Variants in PDCL2 observed in about 807,000 individuals in gnomAD.
PDCL2 encodes phosducin-like protein 2.
PDCL2 carries 23 observed loss-of-function variants against 30.3 expected under a neutral mutation model. The ratio of observed to expected loss-of-function variants is 0.76; its 90% confidence interval spans 0.55 to 1.08. The LOEUF is 1.08. Among genes scored for constraint, PDCL2 ranks in the 50% least tolerant of loss-of-function variants. The pLI is 0.00. For missense variants in PDCL2, 243 were observed against 282.3 expected (o/e 0.86, Z 1.00); for synonymous variants, 68 against 86.2 (o/e 0.79, Z 1.17).
At chr4:55,572,661 A>G (rs1298052470) in intron 3 of PDCL2, among the ~76,000 whole-genome samples, 1 of 152,246 alleles carries the variant, frequency 6.6e-6, no homozygotes, top group Admixed American at 6.5e-5. Context: ...AATCTACAAT[A>G]AAAGTTGAAA....
intron 4 of PDCL2, among the ~76,000 whole-genome samples, chr4:55,564,544 A>G (rs1329949052): frequency 3.9e-5 from 6 of 152,166 alleles, no homozygotes; most frequent in Non-Finnish European, 7.4e-5. Flanking sequence ...CCCAAATTAG[A>G]ATTGGGGTAC....
chr4:55,559,920 G>A (rs771351844), intron 5 of PDCL2, among the ~76,000 whole-genome samples: 1 of 152,184 alleles, frequency 6.6e-6, no homozygotes, highest in Admixed American at 6.5e-5. Context: ...GGTATCTAGA[G>A]CTGTCAAATT....
intron 3 of PDCL2, among the ~76,000 whole-genome samples, chr4:55,579,960 G>GC (rs1311591266): frequency 1.3e-5 from 2 of 151,970 alleles, no homozygotes; most frequent in African/African-American, 4.8e-5. Context: ...CGATTCTCCT[G>GC]CCTCAGCCTC....
At chr4:55,579,211 G>T (rs1732643942) in intron 3 of PDCL2, among the ~76,000 whole-genome samples, 1 of 151,332 alleles carries the variant, frequency 6.6e-6, no homozygotes, top group South Asian at 2.1e-4. Context: ...TTACCTACTG[G>T]CAACATAAGA....
chr4:55,556,570 T>A lies in PDCL2; in HGVS notation c.713A>T (p.Asn238Ile). The change falls in exon 6 of 6, where the codon AAT becomes ATT. Residue 238 changes from asparagine (N) to isoleucine (I), a missense_variant. Transcript: ENST00000295645. ...HDDSDSSNSD[N>I]DTK ...GAATATTTCTCTCTATTTGGTATCA[T>A]TATCACTGTTGGAGCTATCACTGTC... 2.6e-6 allele frequency: 4 copies of A among 1,556,076 alleles called. No homozygotes were observed. In the East Asian group the frequency reaches 9.2e-5, roughly 36 times the overall value.
chr4:55,591,688 G>A (rs1733006342), intron 1 of PDCL2, among the ~76,000 whole-genome samples: 1 of 152,114 alleles, frequency 6.6e-6, no homozygotes, highest in Non-Finnish European at 1.5e-5. Flanking sequence ...GAAACTCTAG[G>A]GACATATGGT....
chr4:55,585,270 A>G (rs1331287828), intron 1 of PDCL2, among the ~76,000 whole-genome samples: 1 of 152,160 alleles, frequency 6.6e-6, no homozygotes, highest in Non-Finnish European at 1.5e-5. Flanking sequence ...GCTCATGCCT[A>G]TAATCCCAGG....
At chr4:55,591,857 T>C (rs1560507424) in intron 1 of PDCL2, among the ~76,000 whole-genome samples, 2 of 152,338 alleles carry the variant, frequency 1.3e-5, no homozygotes, top group Non-Finnish European at 2.9e-5. Context: ...TGAAACACAA[T>C]ACGTAACAAC....
At chr4:55,574,265 T>A (rs1732504639) in intron 3 of PDCL2, among the ~76,000 whole-genome samples, 2 of 152,190 alleles carry the variant, frequency 1.3e-5, no homozygotes, top group Admixed American at 1.3e-4. Flanking sequence ...ATCTCTGTGG[T>A]AGAGACAGGT....
intron 5 of PDCL2, among the ~76,000 whole-genome samples, chr4:55,560,542 G>A (rs1487664459): frequency 6.6e-6 from 1 of 152,136 alleles, no homozygotes; most frequent in Non-Finnish European, 1.5e-5. Flanking sequence ...TTGAGCCTGA[G>A]AAGTCAAGGT....
In PDCL2 at chr4:55,592,122, TG is replaced by T; in HGVS notation, c.-14del. 1.2e-6 allele frequency: 2 copies of T among 1,609,660 alleles called. No individual in the cohort carries two copies. The highest frequency in any genetic ancestry group is 2.2e-5 in the South Asian group (2 of 89,732). On this transcript the variant is annotated 5_prime_UTR_variant, in exon 1 of 6. Transcript: ENST00000295645. ...CCCTCACCTGCATGATGCGCTGCTC[TG>T]CCCCTCAAGAGCCCGCGTCGTCCTG...
chr4:55,577,372 T>C (rs969648944), intron 3 of PDCL2, among the ~76,000 whole-genome samples: 1 of 152,128 alleles, frequency 6.6e-6, no homozygotes, highest in African/African-American at 2.4e-5. Flanking sequence ...CATTTAGTGG[T>C]TTTTATGGAG....
At chr4:55,573,641 C>T (rs1391111343) in intron 3 of PDCL2, among the ~76,000 whole-genome samples, 1 of 151,936 alleles carries the variant, frequency 6.6e-6, no homozygotes, top group African/African-American at 2.4e-5. Flanking sequence ...GTCCCAGCTA[C>T]TCCAGAGACT....
intron 1 of PDCL2, among the ~76,000 whole-genome samples, chr4:55,591,450 G>T (rs1317929116): frequency 6.6e-6 from 1 of 152,156 alleles, no homozygotes; most frequent in Non-Finnish European, 1.5e-5. Context: ...GTGCAGTGGT[G>T]CAATCTCGGC....
At chr4:55,562,370 C>T in intron 5 of PDCL2, 34 bp downstream of exon 5, 2 of 1,324,038 alleles carry the variant, frequency 1.5e-6, no homozygotes, top group Non-Finnish European at 2.0e-6. Context: ...ATGTTTTCAC[C>T]TATCATTTTT....
chr4:55,567,519 C>G (rs1406650733), intron 4 of PDCL2, among the ~76,000 whole-genome samples: 1 of 152,156 alleles, frequency 6.6e-6, no homozygotes, highest in Non-Finnish European at 1.5e-5. Flanking sequence ...TTGGGAAACA[C>G]AGTGAGACCC....
chr4:55,574,170 T>G lies in PDCL2; in HGVS notation c.219-4309A>C, dbSNP rs138936847. On this transcript the variant is annotated intron_variant, in intron 3 of 5. Coordinates refer to ENST00000295645, the MANE Select transcript of PDCL2 (RefSeq NM_152401.3). ...CATTCAGGTACAGAAATGAAAATAATGCCATAATTTGGTGGCAACTAAATT... is the reference window on the plus strand; with the variant it reads ...CATTCAGGTACAGAAATGAAAATAAGGCCATAATTTGGTGGCAACTAAATT... Among the ~76,000 whole-genome samples the G allele has an allele frequency of 6.6e-3, 1,001 of 152,324 alleles. 17 individuals carry two copies. The highest frequency in any genetic ancestry group is 0.022 in the African/African-American group (931 of 41,582).
Position 55,582,182 on chromosome 4 carries a change from G to A in PDCL2, c.62C>T (p.Pro21Leu), listed in dbSNP as rs1443760552. 13 of 1,612,092 alleles carry A rather than the reference G, an allele frequency of 8.1e-6. No homozygotes were observed. The Admixed American group carries it at 2.2e-4, about 27-fold the overall frequency. ...TTCATCTTTTGACTCTTCTTTAGGA[G>A]GAAGAATGCCGAAATCTCTTAAAAT... is the stretch of plus-strand genomic sequence containing the variant. ...NDILRDFGIL[P>L]PKEESKDEIE... is the part of the protein sequence containing the mutation. The change falls in exon 2 of 6, where the codon CCT (proline) becomes CTT (leucine). Residue 21 changes from proline (P) to leucine (L), a missense_variant. Transcript: ENST00000295645.
At chr4:55,582,618 T>C (rs1732752268) in intron 1 of PDCL2, among the ~76,000 whole-genome samples, 1 of 152,206 alleles carries the variant, frequency 6.6e-6, no homozygotes, top group Non-Finnish European at 1.5e-5. Context: ...TTTCTTTTTT[T>C]TATTATACTT....
Sources: gnomAD v4.1 joint callset for allele counts (sites outside exome capture counted in the v4.1 genomes callset) on GRCh38, gnomAD v4.1.1 for gene constraint, MANE v1.5 for transcripts, NCBI Gene and HGNC (gene_info 2026-07-23, HGNC 2026-07-21) for gene names.